Variants in BFAR observed in about 807,000 individuals in gnomAD.
BFAR encodes bifunctional apoptosis regulator, also known as RING finger protein 47.
A neutral mutation model predicts 54.4 loss-of-function variants in BFAR; 52 were observed. The ratio of observed to expected loss-of-function variants is 0.96; its 90% CI spans 0.77 to 1.21. The LOEUF (loss-of-function observed/expected upper bound fraction) is 1.21. Among genes scored for constraint, BFAR ranks in the 50% most tolerant of loss-of-function variants. The pLI is 0.00. For synonymous variants in BFAR, 215 were observed against 204.3 expected (o/e 1.05, Z -0.45); for missense variants, 571 against 534.0 (o/e 1.07, Z -0.68).
intron 4 of BFAR, among the ~76,000 whole-genome samples, chr16:14,651,880 A>G (rs1021040137): frequency 1.5e-4 from 17 of 111,162 alleles, no homozygotes; most frequent in Non-Finnish European, 3.7e-5. Context: ...GACATGCCCA[A>G]TTTTTTTTTT....
intron 1 of BFAR, chr16:14,643,657 C>G (rs1959693756): frequency 6.6e-6 from 1 of 152,160 alleles, no homozygotes; most frequent in South Asian, 2.1e-4. Context: ...GTAGTCCCAG[C>G]TACTCAGGAG....
Position 14,662,584 on chromosome 16 carries a change from A to G in BFAR, c.957+519A>G, listed in dbSNP as rs555931753. Reference sequence around the variant, plus strand: ...TCCCAGGCTGGAGTACAGTGGCACAATCACAGCTCACTGCAGCCTCGACCT... The same window carrying G: ...TCCCAGGCTGGAGTACAGTGGCACAGTCACAGCTCACTGCAGCCTCGACCT... On this transcript the variant is annotated intron_variant, in intron 6 of 7. Coordinates refer to ENST00000261658, the MANE Select transcript of BFAR (RefSeq NM_016561.3). 3.3e-4 allele frequency among the ~76,000 whole-genome samples: 50 copies of G among 152,246 alleles called. No homozygotes were observed. In the South Asian group the frequency reaches 5.2e-3, roughly 16 times the overall value.
At position 14,655,209 on chromosome 16, in the gene BFAR, A is replaced by AT; in HGVS notation, c.782_783insT (p.Lys261AsnfsTer30). The AT allele has an allele frequency of 1.4e-6, 2 of 1,414,854 alleles. No individual in the cohort carries two copies. Among genetic ancestry groups the AT allele is most frequent in the South Asian group, 3.6e-5 (2 of 55,654 alleles). 87.6% of individuals were successfully genotyped at this position (1,414,854 alleles called of 1,614,324 possible). On this transcript the variant is annotated frameshift_variant and splice_region_variant, in exon 5 of 8. Coordinates refer to ENST00000261658, the MANE Select transcript of BFAR (RefSeq NM_016561.3). LOFTEE classifies it high-confidence loss of function. ...CCCCCCCAGAATCTCTGGGAATATA[A>AT]GGTGAACACTTTAATTTTTTTTTTT... is the stretch of plus-strand genomic sequence containing the variant.
chr16:14,638,930 G>A (rs146263525), intron 1 of BFAR, among the ~76,000 whole-genome samples: 1 of 150,840 alleles, frequency 6.6e-6, no homozygotes, highest in South Asian at 2.1e-4. Context: ...GGGCAACAGA[G>A]TAAGACTTGT....
chr16:14,642,466 A>T (rs911567165), intron 1 of BFAR, among the ~76,000 whole-genome samples: 6 of 152,184 alleles, frequency 3.9e-5, no homozygotes, highest in African/African-American at 9.7e-5. Flanking sequence ...AAAAATTTTT[A>T]AAAATGTCTC....
Sources: allele counts gnomAD v4.1 joint callset (sites outside exome capture counted in the v4.1 genomes callset), GRCh38; gene constraint gnomAD v4.1.1; transcripts MANE v1.5; gene names NCBI Gene and HGNC (gene_info 2026-07-23, HGNC 2026-07-21).